Variants in ANKS1A observed in about 807,000 individuals in gnomAD.
ANKS1A encodes the protein ankyrin repeat and sterile alpha motif domain containing 1A, also known as ankyrin repeat and SAM domain-containing protein 1A.
Under a neutral mutation model 120.3 loss-of-function variants are expected in ANKS1A, and 55 were observed. That is an observed-to-expected ratio of 0.46 (90% CI 0.37 to 0.57). The LOEUF (loss-of-function observed/expected upper bound fraction) is 0.57. Among genes scored for constraint, ANKS1A ranks in the 20% least tolerant of loss-of-function variants. ANKS1A has a pLI of 0.00. For synonymous variants in ANKS1A, 590 were observed against 604.7 expected, an observed-to-expected ratio of 0.98 and a Z score of 0.36; for missense variants, 1,123 against 1,480.3, an observed-to-expected ratio of 0.76 and a Z score of 3.96.
chr6:34,903,508 T>G (rs1767473367), intron 1 of ANKS1A, among the ~76,000 whole-genome samples: 1 of 152,002 alleles, frequency 6.6e-6, no homozygotes. Flanking sequence ...TTGTTTGTTT[T>G]TTTAAATTGA....
At chr6:34,960,871 C>A (rs1326611626) in intron 1 of ANKS1A, among the ~76,000 whole-genome samples, 2 of 152,198 alleles carry the variant, frequency 1.3e-5, no homozygotes, top group Non-Finnish European at 2.9e-5. Context: ...TTTACAAATG[C>A]AGAGACAGTA....
chr6:34,946,354 G>A (rs1039582188), intron 1 of ANKS1A, among the ~76,000 whole-genome samples: 4 of 151,868 alleles, frequency 2.6e-5, no homozygotes, highest in East Asian at 2.0e-4. Context: ...TTGGGAGGCC[G>A]AGGCGGGCAG....
intron 3 of ANKS1A, among the ~76,000 whole-genome samples, chr6:34,979,606 T>C (rs1398686593): frequency 6.6e-6 from 1 of 152,092 alleles, no homozygotes; most frequent in Non-Finnish European, 1.5e-5. Context: ...TTTTTTTTTT[T>C]CTTTGCTGGA....
intron 13 of ANKS1A, among the ~76,000 whole-genome samples, chr6:35,063,098 C>G (rs544839517): frequency 2.0e-5 from 3 of 152,278 alleles, no homozygotes; most frequent in South Asian, 4.1e-4. Context: ...ACAGAAAGGG[C>G]CTTTGATTTA....
chr6:35,079,974 T>C (rs370882941), intron 16 of ANKS1A, 46 bp downstream of exon 16: 121 of 1,537,288 alleles, frequency 7.9e-5, no homozygotes, highest in Admixed American at 2.4e-4. Context: ...GTTCCCTGTA[T>C]TTGCAGGAAT....
At chr6:35,014,954 C>T (rs929452032) in intron 10 of ANKS1A, among the ~76,000 whole-genome samples, 48 of 152,308 alleles carry the variant, frequency 3.2e-4, no homozygotes, top group African/African-American at 1.1e-3. Context: ...TGTAGCCCCA[C>T]CATGCAACAT....
chr6:34,917,036 T>C (rs1444355952), intron 1 of ANKS1A, among the ~76,000 whole-genome samples: 1 of 152,194 alleles, frequency 6.6e-6, no homozygotes. Context: ...CTCCCCTTTA[T>C]TTAGACACAC....
At chr6:35,075,519 G>A (rs1581741735) in intron 13 of ANKS1A, among the ~76,000 whole-genome samples, 1 of 150,828 alleles carries the variant, frequency 6.6e-6, no homozygotes, top group Non-Finnish European at 1.5e-5. Context: ...GGGTTCAAGC[G>A]ATTCTCCTGC....
At chr6:35,054,230 T>C in intron 12 of ANKS1A, 65 bp downstream of exon 12, 1 of 1,493,484 alleles carries the variant, frequency 6.7e-7, no homozygotes, top group Non-Finnish European at 9.3e-7. Flanking sequence ...TGGCTCAGGC[T>C]TTCCTCTAAC....
chr6:34,992,491 T>A (rs932175700), intron 9 of ANKS1A, among the ~76,000 whole-genome samples: 1 of 152,238 alleles, frequency 6.6e-6, no homozygotes, highest in African/African-American at 2.4e-5. Flanking sequence ...GGAGGCTATA[T>A]GAGAGTTCTT....
At chr6:35,062,720 G>T (rs1776571944) in intron 13 of ANKS1A, among the ~76,000 whole-genome samples, 1 of 152,208 alleles carries the variant, frequency 6.6e-6, no homozygotes, top group African/African-American at 2.4e-5. Flanking sequence ...GAGTGGAAGG[G>T]ACTGTAACGC....
intron 1 of ANKS1A, among the ~76,000 whole-genome samples, chr6:34,938,657 T>C (rs1356245853): frequency 6.6e-6 from 1 of 152,136 alleles, no homozygotes; most frequent in Non-Finnish European, 1.5e-5. Flanking sequence ...TTTTGTTTGT[T>C]TGTCTTCTCC....
Position 35,017,474 on chromosome 6 carries a change from C to T in ANKS1A, c.1425C>T (p.Asp475=). The T allele has an allele frequency of 2.5e-6, 4 of 1,600,112 alleles. No homozygotes were observed. The highest frequency in any genetic ancestry group is 3.4e-6 in the Non-Finnish European group (4 of 1,172,490). The stretch of plus-strand genomic sequence containing the variant: ...CTCTGTCTCTCCGTCCACTCCAAGA[C>T]CACAGGCGGAGCAGCAGCAGCCGGA... ...KVVLVDGKTK[D]HRRSSSSRSQ... Residue 475 remains aspartate (D), a splice_region_variant and synonymous_variant, in exon 11 of 24, where the codon GAC becomes GAT. Transcript: ENST00000360359.
chr6:34,976,485 TA>T (rs1771592119), intron 3 of ANKS1A, among the ~76,000 whole-genome samples: 1 of 152,064 alleles, frequency 6.6e-6, no homozygotes, highest in Non-Finnish European at 1.5e-5. Context: ...ATAAAATGAG[TA>T]ACAATCAAAT....
intron 23 of ANKS1A, among the ~76,000 whole-genome samples, chr6:35,087,543 C>A (rs1778061207): frequency 6.6e-6 from 1 of 152,212 alleles, no homozygotes; most frequent in Non-Finnish European, 1.5e-5. Flanking sequence ...CCTGAACCAA[C>A]CAACCACTGT....
intron 13 of ANKS1A, among the ~76,000 whole-genome samples, chr6:35,073,086 C>A (rs1246364712): frequency 6.6e-6 from 1 of 152,188 alleles, no homozygotes. Flanking sequence ...GTTTATTGGG[C>A]GGATTTTTGC....
chr6:34,948,646 C>T (rs1769921106), intron 1 of ANKS1A, among the ~76,000 whole-genome samples: 1 of 152,164 alleles, frequency 6.6e-6, no homozygotes, highest in Non-Finnish European at 1.5e-5. Flanking sequence ...ACCCTGTAAA[C>T]ATAACCTCAC....
In ANKS1A at chr6:35,085,410, C is replaced by T. The variant is rs1052340914; in HGVS notation, c.3133-356C>T. ...GAGTTAGGGGCACAGCACTCACAGA[C>T]TTTGTCGGTGACACATTAAAAATAA... On this transcript the variant is annotated intron_variant, in intron 21 of 23. Transcript: ENST00000360359. This position sits in a 1 kb window ranked among gnomAD's most constrained non-coding sequence, Gnocchi z 4.7. Among the ~76,000 whole-genome samples the T allele has an allele frequency of 6.6e-6, 1 of 152,202 alleles. No homozygotes were observed. Among genetic ancestry groups the T allele is most frequent in the Non-Finnish European group, 1.5e-5 (1 of 68,050 alleles).
At chr6:34,914,004 G>A (rs1157021716) in intron 1 of ANKS1A, among the ~76,000 whole-genome samples, 3 of 152,068 alleles carry the variant, frequency 2.0e-5, no homozygotes, top group Admixed American at 6.5e-5. Context: ...TGCAAGCTCC[G>A]CCTCTCAGGC....
Sources: gnomAD v4.1 joint callset for allele counts (sites outside exome capture counted in the v4.1 genomes callset) on GRCh38, gnomAD v4.1.1 for gene constraint, Gnocchi (gnomAD v3.1) non-coding constraint, MANE v1.5 for transcripts, NCBI Gene and HGNC (gene_info 2026-07-23, HGNC 2026-07-21) for gene names.